The following PRRG4 variants were observed in gnomAD, a reference collection of about 807,000 sequenced individuals.
The protein encoded by PRRG4 is proline rich and Gla domain 4.
In PRRG4, 12 loss-of-function variants were observed where a neutral mutation model predicts 20.0. That is an observed-to-expected ratio of 0.60 (90% CI 0.38 to 0.97). PRRG4 has a LOEUF of 0.97. PRRG4 is among the 50% of genes least tolerant of loss of function. PRRG4 has a pLI of 0.00. For missense variants in PRRG4, 199 were observed against 265.1 expected (o/e 0.75, Z 1.73); for synonymous variants, 94 against 96.4 (o/e 0.98, Z 0.15).
chr11:32,836,783 G>C lies in PRRG4; in HGVS notation c.229G>C (p.Glu77Gln). Residue 77 changes from glutamate (E) to glutamine (Q), a missense_variant, in exon 3 of 6, where the codon GAG (glutamate) becomes CAG (glutamine). Glu to Gln is a conservative substitution (Grantham distance 29, BLOSUM62 2). Coordinates refer to ENST00000257836, the MANE Select transcript of PRRG4 (RefSeq NM_024081.6). ...RECNEELCNY[E>Q]EAREIFVDED... is the part of the protein sequence containing the mutation. ...GTGCAATGAAGAACTTTGCAATTAT[G>C]AGGAAGCCAGAGAGATTTTTGTGGA... is the stretch of plus-strand genomic sequence containing the variant. 6.2e-7 allele frequency: 1 copy of C among 1,612,850 alleles called. No homozygotes were observed. Among genetic ancestry groups the C allele is most frequent in the Non-Finnish European group, 8.5e-7 (1 of 1,179,478 alleles).
intron 5 of PRRG4, among the ~76,000 whole-genome samples, chr11:32,841,547 C>T (rs1191188110): frequency 6.6e-6 from 1 of 151,994 alleles, no homozygotes; most frequent in African/African-American, 2.4e-5. Flanking sequence ...ACCTATAATC[C>T]CAGCACTTTG....
chr11:32,846,972 T>G (rs1360501383), intron 5 of PRRG4, among the ~76,000 whole-genome samples: 2 of 148,868 alleles, frequency 1.3e-5, no homozygotes, highest in African/African-American at 5.0e-5. Context: ...CACTCCAGCC[T>G]GGCAACAGAA....
chr11:32,854,711 A>AT lies in PRRG4; in HGVS notation c.*1186dup, dbSNP rs1230813556. The AT allele has an allele frequency of 6.6e-6, 1 of 152,112 alleles. No individual in the cohort carries two copies. The highest frequency in any genetic ancestry group is 2.4e-5 in the African/African-American group (1 of 41,404). 9.4% of individuals were successfully genotyped at this position (152,112 alleles called of 1,614,324 possible). A position where few individuals can be genotyped will look rare whatever the true frequency, so the allele number is the denominator to read the frequency against. ...ATAATCACTTGGTTTTATATGTTAAATTATTGCACAGCAGTCATCATATTT... is the reference window on the plus strand; with the variant it reads ...ATAATCACTTGGTTTTATATGTTAAATTTATTGCACAGCAGTCATCATATTT... On this transcript the variant is annotated 3_prime_UTR_variant, in exon 6 of 6. Transcript: ENST00000257836.
chr11:32,837,541 G>GATGATT (rs1303509427), intron 3 of PRRG4, among the ~76,000 whole-genome samples: 1,035 of 95,724 alleles, frequency 0.011, 9 homozygotes, highest in East Asian at 0.028. Context: ...TGATGATGAT[G>GATGATT]ATTATTATTA....
chr11:32,831,260 A>G (rs1481177884), intron 2 of PRRG4, among the ~76,000 whole-genome samples: 5 of 151,888 alleles, frequency 3.3e-5, no homozygotes, highest in Non-Finnish European at 7.4e-5. Flanking sequence ...CTAACCTAGT[A>G]AAACCAGAAG....
intron 5 of PRRG4, among the ~76,000 whole-genome samples, chr11:32,851,025 A>G (rs1851178459): frequency 6.6e-6 from 1 of 152,176 alleles, no homozygotes; most frequent in Non-Finnish European, 1.5e-5. Flanking sequence ...GTGAGCTGAG[A>G]TTGTGCCATT....
intron 5 of PRRG4, among the ~76,000 whole-genome samples, chr11:32,848,359 G>A (rs1294438434): frequency 6.6e-6 from 1 of 152,108 alleles, no homozygotes; most frequent in Non-Finnish European, 1.5e-5. Context: ...TGAGGATTAA[G>A]TTTCAACATG....
At chr11:32,843,800 T>C (rs904851807) in intron 5 of PRRG4, among the ~76,000 whole-genome samples, 1 of 151,574 alleles carries the variant, frequency 6.6e-6, no homozygotes, top group Non-Finnish European at 1.5e-5. Context: ...CATTCTCCCC[T>C]CTCCCTAGGC....
chr11:32,833,007 G>C (rs1379672002), intron 2 of PRRG4, among the ~76,000 whole-genome samples: 6 of 152,216 alleles, frequency 3.9e-5, no homozygotes, highest in Non-Finnish European at 1.5e-5. Context: ...TCCAGCCATG[G>C]TCAAGGGGAA....
chr11:32,853,629 AC>A lies in PRRG4; in HGVS notation c.*104del. 1.1e-6 allele frequency: 1 copy of A among 899,454 alleles called. No individual in the cohort carries two copies. Among genetic ancestry groups the A allele is most frequent in the Non-Finnish European group, 1.7e-6 (1 of 575,792 alleles). The allele number at this position is 899,454 out of a possible 1,614,324, so 55.7% of individuals were successfully genotyped here. On this transcript the variant is annotated 3_prime_UTR_variant, in exon 6 of 6. Transcript: ENST00000257836. ...CACTTTGGGAGGCCAGGAGTTCGAG[AC>A]CAGCCTGGCCAACATGGTGAAACCC...
intron 2 of PRRG4, among the ~76,000 whole-genome samples, chr11:32,831,073 G>A (rs1375592348): frequency 2.0e-5 from 3 of 152,180 alleles, no homozygotes; most frequent in African/African-American, 7.2e-5. Flanking sequence ...CTGTAAAAGT[G>A]ATGCGGGTGG....
Position 32,830,745 on chromosome 11 carries a change from T to C in PRRG4, c.103+113T>C, listed in dbSNP as rs7118746. 3.5e-3 allele frequency: 5,193 copies of C among 1,494,954 alleles called. 160 individuals carry two copies. In the African/African-American group the frequency reaches 0.06, roughly 17 times the overall value. 92.6% of individuals were successfully genotyped at this position (1,494,954 alleles called of 1,614,324 possible). A position where few individuals can be genotyped will look rare whatever the true frequency, so the allele number is the denominator to read the frequency against. On this transcript the variant is annotated intron_variant, in intron 2 of 5. Transcript: ENST00000257836. ...CAATCATAGAAACACTAAAATATCC[T>C]TTAGTTTAATTTGTGGCATATTTGG...
chr11:32,838,574 T>G (rs1475169033), intron 3 of PRRG4, among the ~76,000 whole-genome samples: 1 of 152,212 alleles, frequency 6.6e-6, no homozygotes, highest in Admixed American at 6.5e-5. Flanking sequence ...TACTTTCACC[T>G]ACTCTCTAAT....
chr11:32,834,728 C>CT (rs550291501), intron 2 of PRRG4, among the ~76,000 whole-genome samples: 48 of 146,256 alleles, frequency 3.3e-4, no homozygotes, highest in South Asian at 1.5e-3. Flanking sequence ...ATTTCACATT[C>CT]TTTTTTTTTT....
rs1850946862 is a variant in PRRG4 at position 32,829,990 on chromosome 11, C to G, written c.-206C>G. 4 of 984,376 alleles carry G rather than the reference C, an allele frequency of 4.1e-6. No individual in the cohort carries two copies. The highest frequency in any genetic ancestry group is 1.7e-5 in the African/African-American group (1 of 57,228). The allele number at this position is 984,376 out of a possible 1,614,324, so 61.0% of individuals were successfully genotyped here. On this transcript the variant is annotated 5_prime_UTR_variant, in exon 1 of 6. Transcript: ENST00000257836. ...CCCCGCGCGTGTTCCCCGGGCGCCC[C>G]TCTGCGAACCCCAGGCCCTTCCCAG...
At chr11:32,831,722 G>A (rs765413133) in intron 2 of PRRG4, among the ~76,000 whole-genome samples, 2 of 152,078 alleles carry the variant, frequency 1.3e-5, no homozygotes, top group African/African-American at 4.8e-5. Flanking sequence ...CACATGACAC[G>A]GGTATAAGAG....
In PRRG4 at chr11:32,854,508, A is replaced by AGATTGTG. The variant is rs1851212547; in HGVS notation, c.*982_*988dup. ...GGGAGGTGGAGGTTGTAGTGAGGCG[A>AGATTGTG]GATTGTGCCATTGCACTCCAACCTG... On this transcript the variant is annotated 3_prime_UTR_variant, in exon 6 of 6. Transcript: ENST00000257836. 6.8e-6 allele frequency: 1 copy of AGATTGTG among 146,022 alleles called. No homozygotes were observed. Among genetic ancestry groups the AGATTGTG allele is most frequent in the Admixed American group, 7.1e-5 (1 of 14,024 alleles). 9.0% of individuals were successfully genotyped at this position (146,022 alleles called of 1,614,324 possible).
intron 5 of PRRG4, among the ~76,000 whole-genome samples, chr11:32,844,074 C>T (rs978810930): frequency 6.6e-6 from 1 of 152,142 alleles, no homozygotes; most frequent in African/African-American, 2.4e-5. Context: ...TGGAAGAGAC[C>T]ACCAAGGTGT....
rs556354356 is a variant in PRRG4 at position 32,849,658 on chromosome 11, C to T, written c.450-3638C>T. Among the ~76,000 whole-genome samples the T allele has an allele frequency of 4.6e-5, 7 of 151,932 alleles. No individual in the cohort carries two copies. The East Asian group carries it at 9.7e-4, about 21-fold the overall frequency. ...CAGCCTGGGAGACAGAGCGAGACTC[C>T]GTCTCAATAAATAAAATAAAAATAT... On this transcript the variant is annotated intron_variant, in intron 5 of 5. Coordinates refer to ENST00000257836, the MANE Select transcript of PRRG4 (RefSeq NM_024081.6).
Sources: allele counts gnomAD v4.1 joint callset (sites outside exome capture counted in the v4.1 genomes callset), GRCh38; gene constraint gnomAD v4.1.1; transcripts MANE v1.5; gene names NCBI Gene and HGNC (gene_info 2026-07-23, HGNC 2026-07-21).